Variants in ASIC2 observed in about 807,000 individuals in gnomAD.
ASIC2 encodes the protein acid sensing ion channel subunit 2.
ASIC2 carries 25 observed loss-of-function variants against 57.3 expected under a neutral mutation model. The observed-to-expected ratio is 0.44, with a 90% CI of 0.32 to 0.61. The LOEUF (loss-of-function observed/expected upper bound fraction) is 0.61. Among genes scored for constraint, ASIC2 ranks in the 20% least tolerant of loss-of-function variants. The pLI is 0.06. For missense variants in ASIC2, 641 were observed against 738.1 expected, an observed-to-expected ratio of 0.87 and a Z score of 1.52; for synonymous variants, 319 against 307.5, an observed-to-expected ratio of 1.04 and a Z score of -0.39.
chr17:33,459,627 G>A (rs1912568559), intron 1 of ASIC2, among the ~76,000 whole-genome samples: 2 of 152,224 alleles, frequency 1.3e-5, no homozygotes, highest in South Asian at 2.1e-4. Flanking sequence ...GGAAGTAAGC[G>A]GTGGTGAATT....
chr17:34,101,548 T>G (rs990164219), intron 1 of ASIC2, among the ~76,000 whole-genome samples: 3 of 152,194 alleles, frequency 2.0e-5, no homozygotes, highest in Non-Finnish European at 2.9e-5. Context: ...AGAGGATAAT[T>G]TAATGATTTA....
At chr17:33,667,611 ATTTAACCTT>A (rs1907516886) in intron 1 of ASIC2, among the ~76,000 whole-genome samples, 1 of 152,212 alleles carries the variant, frequency 6.6e-6, no homozygotes. Context: ...TAGCTGTGTC[ATTTAACCTT>A]TATGAAAACC....
chr17:33,037,427 T>A (rs1834945184), intron 3 of ASIC2, among the ~76,000 whole-genome samples: 1 of 145,974 alleles, frequency 6.9e-6, no homozygotes. Context: ...AGGTCATGAT[T>A]CAGATACCCC....
At chr17:33,369,751 G>A (rs765286549) in intron 1 of ASIC2, among the ~76,000 whole-genome samples, 7 of 152,164 alleles carry the variant, frequency 4.6e-5, no homozygotes, top group Non-Finnish European at 1.0e-4. Context: ...AGATTTTTCC[G>A]GTGCTGAAGC....
chr17:33,409,088 G>A lies in ASIC2; in HGVS notation c.556-297021C>T, dbSNP rs146442183. Among the ~76,000 whole-genome samples the A allele has an allele frequency of 3.3e-4, 50 of 152,292 alleles. 1 individual carries two copies. The highest frequency in any genetic ancestry group is 1.0e-3 in the African/African-American group (43 of 41,572). ...AAATTAGCCAGAAGTGGTGGTGTGC[G>A]CATGTAGTCCCAGTTGCTAAGGAGG... On this transcript the variant is annotated intron_variant, in intron 1 of 9. Coordinates refer to the ASIC2 transcript ENST00000359872.
At chr17:34,071,500 G>A (rs1909399456) in intron 1 of ASIC2, 1 of 152,310 alleles carries the variant, frequency 6.6e-6, no homozygotes, top group Non-Finnish European at 1.5e-5. Flanking sequence ...TATAAAAGAA[G>A]AGGGGGCGGG....
intron 1 of ASIC2, among the ~76,000 whole-genome samples, chr17:33,746,084 G>A (rs1910250096): frequency 6.6e-6 from 1 of 151,408 alleles, no homozygotes. Context: ...GATAACAGAT[G>A]GTAATTTGAA....
chr17:33,831,553 A>T (rs1597894383), intron 1 of ASIC2, among the ~76,000 whole-genome samples: 1 of 151,396 alleles, frequency 6.6e-6, no homozygotes, highest in South Asian at 2.1e-4. Context: ...AGTTATTATT[A>T]CTTTCTTAAA....
At chr17:33,363,152 G>C (rs905821885) in intron 1 of ASIC2, among the ~76,000 whole-genome samples, 2 of 152,108 alleles carry the variant, frequency 1.3e-5, no homozygotes, top group East Asian at 1.9e-4. Flanking sequence ...GGGAAGAAAA[G>C]AGGTCACTAG....
chr17:33,657,234 C>T (rs1907103728), intron 1 of ASIC2, among the ~76,000 whole-genome samples: 2 of 152,228 alleles, frequency 1.3e-5, no homozygotes, highest in African/African-American at 2.4e-5. Context: ...TCCAAACCCC[C>T]CATCCTGGGC....
chr17:33,796,816 C>A (rs935322235), intron 1 of ASIC2, among the ~76,000 whole-genome samples: 8 of 152,164 alleles, frequency 5.3e-5, no homozygotes, highest in Non-Finnish European at 1.2e-4. Flanking sequence ...GGGATGGGAA[C>A]CCTGAGCTCC....
intron 1 of ASIC2, among the ~76,000 whole-genome samples, chr17:33,405,487 C>CT (rs35049672): frequency 0.43 from 57,884 of 135,136 alleles, 13,414 homozygotes; most frequent in East Asian, 0.76. Flanking sequence ...TTTTTTCTTT[C>CT]TTTTTTTTTT....
intron 1 of ASIC2, among the ~76,000 whole-genome samples, chr17:33,241,708 C>A (rs994656561): frequency 1.3e-5 from 2 of 152,146 alleles, no homozygotes; most frequent in South Asian, 2.1e-4. Context: ...GGATTCTACC[C>A]AGGACACATG....
At chr17:33,486,932 A>G (rs1266406334) in intron 1 of ASIC2, among the ~76,000 whole-genome samples, 1 of 152,204 alleles carries the variant, frequency 6.6e-6, no homozygotes, top group East Asian at 1.9e-4. Context: ...GGAGATGCGC[A>G]GCACCCAACC....
chr17:33,511,660 A>C (rs1441922545), intron 1 of ASIC2, among the ~76,000 whole-genome samples: 1 of 152,182 alleles, frequency 6.6e-6, no homozygotes. Context: ...CTCCTGCCAT[A>C]GCCAGAGAAC....
At position 33,925,351 on chromosome 17, in the gene ASIC2, T is replaced by C. The variant is rs1915802317; in HGVS notation, c.555+230627A>G. Among the ~76,000 whole-genome samples, 2 of 152,230 alleles carry C rather than the reference T, an allele frequency of 1.3e-5. 1 individual carries two copies. Among genetic ancestry groups the C allele is most frequent in the South Asian group, 4.1e-4 (2 of 4,836 alleles). On this transcript the variant is annotated intron_variant, in intron 1 of 9. Transcript: ENST00000359872. ...CGTCCTCCCCTCCAGGGAAGGCCAA[T>C]GGTAACCCAGAAATCACTGGACCAT...
chr17:33,640,441 C>T (rs1984634), intron 1 of ASIC2, among the ~76,000 whole-genome samples: 26,525 of 152,114 alleles, frequency 0.17, 2,603 homozygotes, highest in Admixed American at 0.3. Context: ...GCAAAAAAAC[C>T]ACAAAGCACC....
chr17:33,941,177 C>T (rs936551739), intron 1 of ASIC2, among the ~76,000 whole-genome samples: 2 of 152,128 alleles, frequency 1.3e-5, no homozygotes, highest in African/African-American at 2.4e-5. Flanking sequence ...TCATGAGGGG[C>T]CAGACGAGCC....
At chr17:33,150,011 GA>G (rs1174361310) in intron 1 of ASIC2, among the ~76,000 whole-genome samples, 1 of 152,208 alleles carries the variant, frequency 6.6e-6, no homozygotes, top group African/African-American at 2.4e-5. Context: ...ATAATTGCAT[GA>G]ATAAGTTCAG....
Sources: allele counts gnomAD v4.1 joint callset (sites outside exome capture counted in the v4.1 genomes callset), GRCh38; gene constraint gnomAD v4.1.1; transcripts MANE v1.5; gene names NCBI Gene and HGNC (gene_info 2026-07-23, HGNC 2026-07-21).